Variants in MKX observed in about 807,000 individuals in gnomAD.
MKX encodes the protein homeobox protein Mohawk.
MKX carries 13 observed loss-of-function variants against 36.0 expected under a neutral mutation model. The observed-to-expected ratio is 0.36, with a 90% confidence interval of 0.24 to 0.57. The LOEUF is 0.57. MKX is among the 20% of genes least tolerant of loss of function. MKX has a pLI of 0.79. For missense variants in MKX, 458 were observed against 456.4 expected (o/e 1.00, Z -0.03); for synonymous variants, 176 against 178.3 (o/e 0.99, Z 0.10).
chr10:27,722,001 T>A (rs1483219329), intron 5 of MKX, among the ~76,000 whole-genome samples: 3 of 152,096 alleles, frequency 2.0e-5, no homozygotes, highest in African/African-American at 7.2e-5. Flanking sequence ...TCTCATATAA[T>A]TTACAAAAAT....
At chr10:27,706,240 A>AATAT (rs148319824) in intron 5 of MKX, among the ~76,000 whole-genome samples, 4 of 150,426 alleles carry the variant, frequency 2.7e-5, no homozygotes, top group African/African-American at 7.3e-5. Flanking sequence ...ATAATATTCA[A>AATAT]ATATATATAT....
intron 5 of MKX, among the ~76,000 whole-genome samples, chr10:27,698,575 C>T (rs368769766): frequency 1.5e-4 from 23 of 152,008 alleles, no homozygotes; most frequent in African/African-American, 4.3e-4. Flanking sequence ...TGGTCGGCAA[C>T]GGCATTGTCT....
At position 27,675,509 on chromosome 10, in the gene MKX, C is replaced by T. The variant is rs771064656; in HGVS notation, c.872+12G>A. The T allele has an allele frequency of 4.3e-6, 7 of 1,614,024 alleles. No homozygotes were observed. Among genetic ancestry groups the T allele is most frequent in the South Asian group, 2.2e-5 (2 of 91,082 alleles). Reference sequence around the variant, plus strand: ...GAAAAGCAGGAACGGCCAATGGGAACATTTTGCTCACCTTTCACCCTTATT... The same window carrying T: ...GAAAAGCAGGAACGGCCAATGGGAATATTTTGCTCACCTTTCACCCTTATT... On this transcript the variant is annotated intron_variant, in intron 6 of 6. Coordinates refer to ENST00000419761, the MANE Select transcript of MKX (RefSeq NM_173576.3).
At position 27,744,393 on chromosome 10, in the gene MKX, C is replaced by A. The variant is rs997875610; in HGVS notation, c.-82-896G>T. ...CTGTAAAGGTGTCAGAAGCCCAAGG[C>A]AGGAGGCAGCTTGGTCGGCGCACCT... On this transcript the variant is annotated intron_variant, in intron 1 of 6. Transcript: ENST00000419761. This position sits in a 1 kb window ranked among gnomAD's most constrained non-coding sequence, Gnocchi z 5.6. Among the ~76,000 whole-genome samples the A allele has an allele frequency of 2.6e-4, 39 of 152,248 alleles. No individual in the cohort carries two copies. Among genetic ancestry groups the A allele is most frequent in the African/African-American group, 9.4e-4 (39 of 41,566 alleles).
intron 5 of MKX, among the ~76,000 whole-genome samples, chr10:27,700,741 T>A (rs1836635951): frequency 6.6e-6 from 1 of 152,108 alleles, no homozygotes; most frequent in Non-Finnish European, 1.5e-5. Flanking sequence ...CGTTAACAGC[T>A]AGTAATACAG....
intron 5 of MKX, among the ~76,000 whole-genome samples, chr10:27,709,236 T>C (rs1327828067): frequency 6.6e-6 from 1 of 152,120 alleles, no homozygotes; most frequent in Non-Finnish European, 1.5e-5. Flanking sequence ...CAGTTTATAA[T>C]ACAAAAAAAT....
intron 5 of MKX, among the ~76,000 whole-genome samples, chr10:27,720,601 T>C (rs1714987396): frequency 6.6e-6 from 1 of 152,082 alleles, no homozygotes; most frequent in Admixed American, 6.6e-5. Context: ...AAGTGTGTGG[T>C]TGGGGAGATA....
intron 5 of MKX, among the ~76,000 whole-genome samples, chr10:27,690,891 G>A (rs1254330386): frequency 6.6e-6 from 1 of 152,182 alleles, no homozygotes; most frequent in Non-Finnish European, 1.5e-5. Context: ...GAGGTGATCA[G>A]ATCATGGGGT....
chr10:27,739,404 C>T (rs1174233244), intron 3 of MKX, among the ~76,000 whole-genome samples: 2 of 151,712 alleles, frequency 1.3e-5, no homozygotes, highest in African/African-American at 2.4e-5. Context: ...ATTATCTTAC[C>T]CCACTTAAAA....
At chr10:27,682,927 C>T (rs560242400) in intron 5 of MKX, among the ~76,000 whole-genome samples, 17 of 151,008 alleles carry the variant, frequency 1.1e-4, no homozygotes, top group East Asian at 5.9e-4. Context: ...GGCAGTGAGC[C>T]GAGATCTCAT....
intron 5 of MKX, among the ~76,000 whole-genome samples, chr10:27,692,059 C>T (rs1476075755): frequency 6.6e-6 from 1 of 152,128 alleles, no homozygotes; most frequent in African/African-American, 2.4e-5. Context: ...TTTCCTTTGG[C>T]TATATACCCA....
chr10:27,680,977 C>T (rs1836243675), intron 5 of MKX, among the ~76,000 whole-genome samples: 1 of 152,120 alleles, frequency 6.6e-6, no homozygotes, highest in Non-Finnish European at 1.5e-5. Context: ...TATTTTAAAA[C>T]AATAAAAGAA....
intron 5 of MKX, among the ~76,000 whole-genome samples, chr10:27,676,547 T>C (rs954698375): frequency 7.9e-5 from 12 of 151,766 alleles, no homozygotes; most frequent in African/African-American, 2.4e-4. Flanking sequence ...CCGGCTAATT[T>C]TTGTATTTTT....
intron 5 of MKX, among the ~76,000 whole-genome samples, chr10:27,678,143 T>C (rs763100992): frequency 9.9e-5 from 15 of 152,242 alleles, no homozygotes; most frequent in Non-Finnish European, 2.2e-4. Flanking sequence ...GTCTCCATAG[T>C]ATCTGCGAAG....
chr10:27,744,099 C>G lies in MKX; in HGVS notation c.-82-602G>C, dbSNP rs1218500230. On this transcript the variant is annotated intron_variant, in intron 1 of 6. Coordinates refer to ENST00000419761, the MANE Select transcript of MKX (RefSeq NM_173576.3). The surrounding 1 kb of genome is among the most constrained non-coding windows in gnomAD (Gnocchi z 5.6). ...CCCCGCATCTTCTGTCCGCCAAGGT[C>G]CCCCGGGGTGAGGTTGGGTTCAAGG... Among the ~76,000 whole-genome samples, 2 of 152,068 alleles carry G rather than the reference C, an allele frequency of 1.3e-5. No individual in the cohort carries two copies. Among genetic ancestry groups the G allele is most frequent in the African/African-American group, 4.8e-5 (2 of 41,424 alleles).
At chr10:27,719,970 CAG>C (rs1165892729) in intron 5 of MKX, among the ~76,000 whole-genome samples, 1 of 99,398 alleles carries the variant, frequency 1.0e-5, no homozygotes, top group Non-Finnish European at 1.9e-5. Flanking sequence ...GCCTGGGCAA[CAG>C]AGTCTCAAAA....
chr10:27,720,092 C>A (rs1023327983), intron 5 of MKX, among the ~76,000 whole-genome samples: 1 of 151,200 alleles, frequency 6.6e-6, no homozygotes, highest in East Asian at 1.9e-4. Flanking sequence ...TAAAACTGTT[C>A]AGAAAATGGA....
At chr10:27,706,387 G>C (rs951488039) in intron 5 of MKX, among the ~76,000 whole-genome samples, 2 of 152,110 alleles carry the variant, frequency 1.3e-5, no homozygotes, top group Admixed American at 1.3e-4. Flanking sequence ...AACTCTTGCT[G>C]GTATGTACCC....
chr10:27,686,283 T>C (rs1203468233), intron 5 of MKX, among the ~76,000 whole-genome samples: 1 of 152,018 alleles, frequency 6.6e-6, no homozygotes, highest in East Asian at 1.9e-4. Flanking sequence ...CTAGCTAAAT[T>C]ATTTATCCTC....
Sources: allele counts gnomAD v4.1 joint callset (sites outside exome capture counted in the v4.1 genomes callset), GRCh38; gene constraint gnomAD v4.1.1; non-coding constraint Gnocchi (gnomAD v3.1); transcripts MANE v1.5; gene names NCBI Gene and HGNC (gene_info 2026-07-23, HGNC 2026-07-21).